Variants in LGALS1 observed in about 807,000 individuals in gnomAD.
The protein encoded by LGALS1 is galectin 1.
Under a neutral mutation model 14.4 loss-of-function variants are expected in LGALS1, and 14 were observed. That is an observed-to-expected ratio of 0.97 (90% confidence interval 0.64 to 1.52). The LOEUF is 1.52. Ranked by LOEUF, LGALS1 falls within the 40% of genes most tolerant of loss-of-function variation. The probability of loss-of-function intolerance (pLI) is 0.00; values close to 1 mark genes in which losing one functional copy is unlikely to be tolerated. For synonymous variants in LGALS1, 71 were observed against 73.4 expected, an observed-to-expected ratio of 0.97 and a Z score of 0.17; for missense variants, 170 against 181.4, an observed-to-expected ratio of 0.94 and a Z score of 0.36.
intron 3 of LGALS1, among the ~76,000 whole-genome samples, chr22:37,678,901 G>A (rs1400224046): frequency 3.9e-5 from 6 of 152,262 alleles, no homozygotes; most frequent in South Asian, 2.1e-4. Flanking sequence ...AGGCCGAGGC[G>A]GGCGGATCAC....
At chr22:37,677,172 G>GGCCA in intron 2 of LGALS1, 107 bp downstream of exon 2, 9 of 1,120,248 alleles carry the variant, frequency 8.0e-6, no homozygotes, top group Non-Finnish European at 1.0e-5. Context: ...GCGGGTTAAC[G>GGCCA]GCCAGCCGCC....
rs568620798 is a variant in LGALS1 at position 37,677,370 on chromosome 22, A to AG, written c.89+308dup. Reference sequence around the variant, plus strand: ...GTCTGGGCGGGACCTGTCGCTGGGGAGGGCGGGGAGAGGAGTGGGGCGGGC... The same window carrying AG: ...GTCTGGGCGGGACCTGTCGCTGGGGAGGGGCGGGGAGAGGAGTGGGGCGGGC... On this transcript the variant is annotated intron_variant, in intron 2 of 3. Coordinates refer to ENST00000215909, the MANE Select transcript of LGALS1 (RefSeq NM_002305.4). 6.4e-3 allele frequency: 2,367 copies of AG among 369,762 alleles called. 11 individuals carry two copies. Among genetic ancestry groups the AG allele is most frequent in the Non-Finnish European group, 9.0e-3 (1,775 of 197,028 alleles). 22.9% of individuals were successfully genotyped at this position (369,762 alleles called of 1,614,324 possible). A position where few individuals can be genotyped will look rare whatever the true frequency, so the allele number is the denominator to read the frequency against.
intron 2 of LGALS1, 36 bp from the exon 3 acceptor site, chr22:37,678,447 G>A: frequency 6.2e-7 from 1 of 1,611,460 alleles, no homozygotes; most frequent in South Asian, 1.1e-5. Context: ...GCTGGAGCTG[G>A]CCGAGGTGGC....
chr22:37,676,670 A>G (rs1921437315), intron 1 of LGALS1, among the ~76,000 whole-genome samples: 1 of 152,056 alleles, frequency 6.6e-6, no homozygotes, highest in South Asian at 2.1e-4. Flanking sequence ...GCGATGGGAC[A>G]GAGCACCCCA....
chr22:37,677,160 G>A, intron 2 of LGALS1, 95 bp downstream of exon 2: 1 of 1,265,712 alleles, frequency 7.9e-7, no homozygotes, highest in Non-Finnish European at 1.1e-6. Context: ...CCCTGGCCGG[G>A]AGCGGGTTAA....
intron 1 of LGALS1, 59 bp from the exon 2 acceptor site, chr22:37,676,927 A>C (rs1171825030): frequency 1.3e-6 from 2 of 1,553,268 alleles, no homozygotes; most frequent in South Asian, 2.2e-5. Context: ...ACCCCCGGAC[A>C]CTTCGAGCAG....
intron 1 of LGALS1, 83 bp downstream of exon 1, chr22:37,675,794 G>T (rs568526557): frequency 2.3e-6 from 3 of 1,277,426 alleles, no homozygotes; most frequent in Non-Finnish European, 3.1e-6. Context: ...ATCGGGAGCA[G>T]ATTCTAGCCC....
At position 37,677,066 on chromosome 22, in the gene LGALS1, G is replaced by A; in HGVS notation, c.89+1G>A. On this transcript the variant is annotated splice_donor_variant, in intron 2 of 3. Coordinates refer to ENST00000215909, the MANE Select transcript of LGALS1 (RefSeq NM_002305.4). LOFTEE classifies it high-confidence loss of function. ...GCGAGGTGGCTCCTGACGCTAAGAG[G>A]TGAGAAGTGAAGTCGGGGTGGTGGG... 6.2e-7 allele frequency: 1 copy of A among 1,613,894 alleles called. No homozygotes were observed. Among genetic ancestry groups the A allele is most frequent in the South Asian group, 1.1e-5 (1 of 91,084 alleles).
chr22:37,675,773 G>C, intron 1 of LGALS1, 62 bp downstream of exon 1: 1 of 1,404,394 alleles, frequency 7.1e-7, no homozygotes. Flanking sequence ...GGCCAGAGGA[G>C]AGCTGGGCAG....
rs371661457 is a variant in LGALS1 at position 37,679,635 on chromosome 22, C to T, written c.294C>T (p.Thr98=). ...TCACCTTCGACCAGGCCAACCTGAC[C>T]GTCAAGCTGCCAGATGGATACGAAT... ...VCITFDQANL[T]VKLPDGYEFK... is the part of the protein sequence containing the mutation. Residue 98 remains threonine, a synonymous_variant, in exon 4 of 4, where the codon ACC becomes ACT. Coordinates refer to ENST00000215909, the MANE Select transcript of LGALS1 (RefSeq NM_002305.4). 28 of 1,609,078 alleles carry T rather than the reference C, an allele frequency of 1.7e-5. No individual in the cohort carries two copies. The highest frequency in any genetic ancestry group is 2.2e-5 in the South Asian group (2 of 89,914).
chr22:37,678,698 T>A (rs1431166886), intron 3 of LGALS1, 44 bp downstream of exon 3: 1 of 146,882 alleles, frequency 6.8e-6, no homozygotes, highest in Non-Finnish European at 1.3e-5. Context: ...AGGGGCTGGG[T>A]GGGCTGGGGC....
In LGALS1 at chr22:37,675,726, C is replaced by G. The variant is rs1046541490; in HGVS notation, c.9+15C>G. On this transcript the variant is annotated intron_variant, in intron 1 of 3. Transcript: ENST00000215909. The stretch of plus-strand genomic sequence containing the variant: ...TCATGGCTTGTGTGAGTGTGGGGAC[C>G]CCCCCCCAAGGTCCAGGGGATAGGG... The G allele has an allele frequency of 6.5e-7, 1 of 1,535,762 alleles. No homozygotes were observed. The highest frequency in any genetic ancestry group is 8.8e-7 in the Non-Finnish European group (1 of 1,138,378).
chr22:37,677,116 A>C, intron 2 of LGALS1, 51 bp downstream of exon 2: 1 of 1,579,806 alleles, frequency 6.3e-7, no homozygotes, highest in African/African-American at 1.3e-5. Context: ...TTGGTCCAGC[A>C]GGGAGGGCGT....
intron 2 of LGALS1, chr22:37,677,459 T>C (rs772288869): frequency 4.0e-5 from 10 of 248,992 alleles, no homozygotes; most frequent in Non-Finnish European, 4.9e-5. Flanking sequence ...ATTCACTGGC[T>C]CAGTCCGGTC....
chr22:37,675,721 G>A lies in LGALS1; in HGVS notation c.9+10G>A. ...CTCAATCATGGCTTGTGTGAGTGTG[G>A]GGACCCCCCCCCAAGGTCCAGGGGA... On this transcript the variant is annotated intron_variant, in intron 1 of 3. Coordinates refer to ENST00000215909, the MANE Select transcript of LGALS1 (RefSeq NM_002305.4). The A allele has an allele frequency of 6.5e-7, 1 of 1,538,646 alleles. No homozygotes were observed. Among genetic ancestry groups the A allele is most frequent in the Non-Finnish European group, 8.8e-7 (1 of 1,141,120 alleles).
In LGALS1 at chr22:37,678,470, C is replaced by T. The variant is rs73424844; in HGVS notation, c.90-13C>T. On this transcript the variant is annotated splice_polypyrimidine_tract_variant and intron_variant, in intron 2 of 3. Transcript: ENST00000215909. ...TGGCCGAGGTGGCCTCATGCCCACCCGTTACCCCCCAGCTTCGTGCTGAAC... is the reference window on the plus strand; with the variant it reads ...TGGCCGAGGTGGCCTCATGCCCACCTGTTACCCCCCAGCTTCGTGCTGAAC... 6.6e-4 allele frequency: 1,068 copies of T among 1,613,266 alleles called. 8 individuals are homozygous for T. The African/African-American group carries it at 0.013, about 19-fold the overall frequency.
At chr22:37,676,828 G>T in intron 1 of LGALS1, 158 bp from the exon 2 acceptor site, 1 of 766,166 alleles carries the variant, frequency 1.3e-6, no homozygotes, top group Non-Finnish European at 2.3e-6. Context: ...ATCGGAGGCT[G>T]GAAATTACAG....
rs905506744 is a variant in LGALS1 at position 37,679,585 on chromosome 22, G to T, written c.262-18G>T. 31 of 1,580,294 alleles carry T rather than the reference G, an allele frequency of 2.0e-5. No individual in the cohort carries two copies. The highest frequency in any genetic ancestry group is 2.6e-5 in the Non-Finnish European group (30 of 1,162,002). On this transcript the variant is annotated intron_variant, in intron 3 of 3. Coordinates refer to ENST00000215909, the MANE Select transcript of LGALS1 (RefSeq NM_002305.4). ...CCATGGCATGTGGGCCCGGCTCACT[G>T]CTCTCCTCTACCCCCAGGTGTGCAT...
At chr22:37,676,918 C>T in intron 1 of LGALS1, 68 bp from the exon 2 acceptor site, 1 of 1,550,944 alleles carries the variant, frequency 6.4e-7, no homozygotes, top group African/African-American at 1.4e-5. Context: ...CCCCCAGCCA[C>T]CCCCGGACAC....
Sources: gnomAD v4.1 joint callset for allele counts (sites outside exome capture counted in the v4.1 genomes callset) on GRCh38, gnomAD v4.1.1 for gene constraint, MANE v1.5 for transcripts, NCBI Gene and HGNC (gene_info 2026-07-23, HGNC 2026-07-21) for gene names.